The following NUP107 variants were observed in gnomAD, a reference collection of about 807,000 sequenced individuals.
NUP107 encodes the protein nuclear pore complex protein Nup107.
NUP107 carries 101 observed loss-of-function variants against 141.0 expected under a neutral mutation model. The observed-to-expected ratio is 0.72, with a 90% confidence interval of 0.61 to 0.84. The LOEUF is 0.84. Ranked by LOEUF, NUP107 falls within the 40% of genes least tolerant of loss-of-function variation. The probability of loss-of-function intolerance (pLI) is 0.00; values close to 1 mark genes in which losing one functional copy is unlikely to be tolerated. For missense variants in NUP107, 941 were observed against 1,102.7 expected, an observed-to-expected ratio of 0.85 and a Z score of 2.08; for synonymous variants, 319 against 363.9, an observed-to-expected ratio of 0.88 and a Z score of 1.41.
At position 68,702,775 on chromosome 12, in the gene NUP107, C is replaced by T. The variant is rs778594241; in HGVS notation, c.720C>T (p.Phe240=). Residue 240 remains phenylalanine (F), a synonymous_variant, in exon 8 of 28, where the codon TTC becomes TTT. Transcript: ENST00000229179. ...CTGCATTAGAAGAGGAAAGTGTATT[C>T]GCAGTTACTGTAAGTTTTATATTAA... The part of the protein sequence containing the change: ...IQSALEEESV[F]AVTAVNASEK... 6.6e-6 allele frequency: 10 copies of T among 1,521,482 alleles called. No homozygotes were observed. In the Admixed American group the frequency reaches 9.7e-5, roughly 15 times the overall value. The allele number at this position is 1,521,482 out of a possible 1,614,324, so 94.2% of individuals were successfully genotyped here.
chr12:68,696,103 C>T (rs1032735929), intron 5 of NUP107, among the ~76,000 whole-genome samples: 10 of 152,010 alleles, frequency 6.6e-5, no homozygotes, highest in Middle Eastern at 6.9e-3. Flanking sequence ...CGGTGGCTCA[C>T]GCTTATAATC....
chr12:68,704,112 A>G (rs1444014590), intron 8 of NUP107, among the ~76,000 whole-genome samples: 8 of 152,188 alleles, frequency 5.3e-5, no homozygotes, highest in Non-Finnish European at 8.8e-5. Flanking sequence ...GTTTTTCTTC[A>G]TACATATATA....
chr12:68,712,603 A>G (rs1467987287), intron 10 of NUP107, among the ~76,000 whole-genome samples: 1 of 146,736 alleles, frequency 6.8e-6, no homozygotes, highest in African/African-American at 2.5e-5. Context: ...GGAAGTTTTC[A>G]TTTTCAGAAA....
chr12:68,738,719 A>G (rs1461608747), intron 26 of NUP107, among the ~76,000 whole-genome samples: 2 of 152,200 alleles, frequency 1.3e-5, no homozygotes, highest in Admixed American at 1.3e-4. Flanking sequence ...AGAATGGAGC[A>G]GGCAGGTCAT....
At chr12:68,712,623 TTTTTTTG>T (rs1267401678) in intron 10 of NUP107, among the ~76,000 whole-genome samples, 16 of 151,152 alleles carry the variant, frequency 1.1e-4, no homozygotes, top group South Asian at 4.1e-4. Flanking sequence ...AATAAGTTTT[TTTTTTTG>T]TTTTTTGTTT....
Position 68,719,290 on chromosome 12 carries a change from A to T in NUP107, c.1084-51A>T, listed in dbSNP as rs763526031. ...GCTTGTCATATATTGGTTATACTTT[A>T]CTATAAAGCACCCTGGTTATTGGAC... On this transcript the variant is annotated intron_variant, in intron 12 of 27. Transcript: ENST00000229179. The T allele has an allele frequency of 5.2e-6, 7 of 1,343,222 alleles. No individual in the cohort carries two copies. The South Asian group carries it at 6.0e-5, about 11-fold the overall frequency. 83.2% of individuals were successfully genotyped at this position (1,343,222 alleles called of 1,614,324 possible). A position where few individuals can be genotyped will look rare whatever the true frequency, so the allele number is the denominator to read the frequency against.
At chr12:68,706,476 T>C (rs1876587048) in intron 8 of NUP107, 2 of 710,894 alleles carry the variant, frequency 2.8e-6, no homozygotes, top group African/African-American at 1.7e-5. Flanking sequence ...GCTGAGAGCA[T>C]GAGATCAAAT....
chr12:68,690,500 A>G, intron 3 of NUP107, 131 bp from the exon 4 acceptor site: 2 of 1,111,774 alleles, frequency 1.8e-6, no homozygotes, highest in Non-Finnish European at 2.6e-6. Context: ...TAACATTTAA[A>G]GTATTTATTT....
intron 1 of NUP107, chr12:68,687,730 A>G (rs1376613571): frequency 2.5e-6 from 2 of 805,380 alleles, no homozygotes; most frequent in Non-Finnish European, 1.5e-6. Context: ...CTACTATGTG[A>G]CTGCCATTGT....
intron 22 of NUP107, among the ~76,000 whole-genome samples, chr12:68,732,033 T>C (rs1308995165): frequency 6.6e-6 from 1 of 152,226 alleles, no homozygotes; most frequent in Non-Finnish European, 1.5e-5. Flanking sequence ...TAGAAAGTTA[T>C]ATCTAAGAAA....
At chr12:68,737,430 G>A (rs187305975) in intron 26 of NUP107, among the ~76,000 whole-genome samples, 62 of 150,964 alleles carry the variant, frequency 4.1e-4, no homozygotes, top group African/African-American at 1.5e-3. Context: ...AGCCTGGTGT[G>A]GTGGTGCATG....
chr12:68,721,722 C>T (rs891024985), intron 15 of NUP107, 119 bp from the exon 16 acceptor site: 18 of 987,250 alleles, frequency 1.8e-5, no homozygotes, highest in Non-Finnish European at 2.5e-5. Flanking sequence ...TTTTTAAAAT[C>T]TGCCGTGTTT....
chr12:68,736,056 A>T (rs1259246366), intron 26 of NUP107, among the ~76,000 whole-genome samples: 1 of 152,246 alleles, frequency 6.6e-6, no homozygotes, highest in Non-Finnish European at 1.5e-5. Context: ...TAATAGTCAT[A>T]TAAGGGAAAG....
intron 14 of NUP107, 76 bp downstream of exon 14, chr12:68,719,730 A>C (rs1877275908): frequency 9.6e-7 from 1 of 1,046,194 alleles, no homozygotes; most frequent in Non-Finnish European, 1.5e-6. Flanking sequence ...GCTGTGAAAC[A>C]TTGAAAGTAG....
intron 14 of NUP107, among the ~76,000 whole-genome samples, chr12:68,719,982 C>T (rs1379578183): frequency 6.6e-6 from 1 of 152,092 alleles, no homozygotes; most frequent in Non-Finnish European, 1.5e-5. Context: ...GAATGAAAAA[C>T]AAGAGGAAGG....
chr12:68,732,826 CCCA>C, intron 23 of NUP107, 87 bp downstream of exon 23: 1 of 812,524 alleles, frequency 1.2e-6, no homozygotes, highest in Non-Finnish European at 2.0e-6. Context: ...ACTACAGGCA[CCCA>C]CCACCACACC....
intron 8 of NUP107, among the ~76,000 whole-genome samples, chr12:68,708,978 G>C (rs1876721182): frequency 6.6e-6 from 1 of 152,012 alleles, no homozygotes; most frequent in Admixed American, 6.6e-5. Flanking sequence ...ACCATCTCTG[G>C]GAAAATGGAA....
intron 15 of NUP107, 131 bp from the exon 16 acceptor site, chr12:68,721,709 AT>A (rs1430864199): frequency 1.1e-6 from 1 of 873,626 alleles, no homozygotes; most frequent in Non-Finnish European, 1.7e-6. Flanking sequence ...ATTTGGCATA[AT>A]TTTTTTAAAA....
intron 5 of NUP107, 175 bp downstream of exon 5, chr12:68,692,287 G>A (rs976273997): frequency 1.6e-6 from 1 of 622,910 alleles, no homozygotes; most frequent in South Asian, 2.6e-5. Flanking sequence ...TGAGACAAGA[G>A]TCTCACTCTG....
Sources: gnomAD v4.1 joint callset for allele counts (sites outside exome capture counted in the v4.1 genomes callset) on GRCh38, gnomAD v4.1.1 for gene constraint, MANE v1.5 for transcripts, NCBI Gene and HGNC (gene_info 2026-07-23, HGNC 2026-07-21) for gene names.